Variants in SYNE2 observed in about 807,000 individuals in gnomAD.
SYNE2 encodes the protein nesprin-2.
A neutral mutation model predicts 856.3 loss-of-function variants in SYNE2; 431 were observed. The observed-to-expected ratio is 0.50, with a 90% CI of 0.47 to 0.55. The LOEUF is 0.55. Among genes scored for constraint, SYNE2 ranks in the 20% least tolerant of loss-of-function variants. The pLI, the probability that SYNE2 is intolerant of heterozygous loss-of-function variation, is 0.00. For missense variants in SYNE2, 8,129 were observed against 8,023.2 expected (o/e 1.01, Z -0.50); for synonymous variants, 2,923 against 2,872.3 (o/e 1.02, Z -0.56).
intron 1 of SYNE2, among the ~76,000 whole-genome samples, chr14:63,839,649 C>T (rs1399344891): frequency 6.6e-6 from 1 of 152,016 alleles, no homozygotes; most frequent in Non-Finnish European, 1.5e-5. Flanking sequence ...GAGCCAAGAT[C>T]ACACAATTGC....
At chr14:64,156,543 C>T (rs536911935) in intron 85 of SYNE2, among the ~76,000 whole-genome samples, 1 of 151,062 alleles carries the variant, frequency 6.6e-6, no homozygotes, top group African/African-American at 2.4e-5. Flanking sequence ...ACTGCAACTT[C>T]CACCTTCCAG....
chr14:64,046,260 A>G (rs2033135147), intron 45 of SYNE2, among the ~76,000 whole-genome samples: 2 of 152,244 alleles, frequency 1.3e-5, no homozygotes, highest in Non-Finnish European at 2.9e-5. Context: ...AAGCTTTCAG[A>G]AAAGGTCAAA....
chr14:63,872,158 C>T (rs926901397), intron 1 of SYNE2, among the ~76,000 whole-genome samples: 2 of 152,076 alleles, frequency 1.3e-5, no homozygotes, highest in Admixed American at 6.5e-5. Context: ...CAGCTTGGTG[C>T]GGTGGCTCAT....
At position 64,100,545 on chromosome 14, in the gene SYNE2, T is replaced by TAG. The variant is rs1567299001; in HGVS notation, c.12382-1386_12382-1385insGA. 2.0e-4 allele frequency among the ~76,000 whole-genome samples: 17 copies of TAG among 85,706 alleles called. No homozygotes were observed. The East Asian group carries it at 2.1e-3, about 11-fold the overall frequency. 56.2% of individuals were successfully genotyped at this position (85,706 alleles called of 152,430 possible). On this transcript the variant is annotated intron_variant, in intron 63 of 115. Transcript: ENST00000555002. ...AAAAAAAAAAAAATATATATATATA[T>TAG]ATATATATATATATATATATATATA...
chr14:64,218,316 C>A, intron 108 of SYNE2, 82 bp from the exon 109 acceptor site: 1 of 1,270,088 alleles, frequency 7.9e-7, no homozygotes, highest in Non-Finnish European at 1.1e-6. Flanking sequence ...CATTTCTTCA[C>A]TGTTAATATG....
At position 64,048,047 on chromosome 14, in the gene SYNE2, T is replaced by C; in HGVS notation, c.7269T>C (p.Ala2423=). ...MAMSKQLSLN[A]QESMKNTEDE... ...TGTCAAAACAACTTTCTCTTAATGC[T>C]CAAGAAAGCATGAAAAACACTGAAG... The change falls in exon 46 of 116, where the codon GCT becomes GCC. Residue 2423 remains alanine, a synonymous_variant. Transcript: ENST00000555002. 6.2e-7 allele frequency: 1 copy of C among 1,613,796 alleles called. No homozygotes were observed. The highest frequency in any genetic ancestry group is 8.5e-7 in the Non-Finnish European group (1 of 1,179,848).
At chr14:63,929,624 A>T (rs1264050339) in intron 2 of SYNE2, among the ~76,000 whole-genome samples, 1 of 152,080 alleles carries the variant, frequency 6.6e-6, no homozygotes, top group Non-Finnish European at 1.5e-5. Flanking sequence ...TCCAAAAATT[A>T]GCTGGGCGTG....
rs2098655246 is a variant in SYNE2 at position 64,214,174 on chromosome 14, A to C, written c.19057-20A>C. On this transcript the variant is annotated intron_variant, in intron 105 of 115. Coordinates refer to ENST00000555002, the MANE Select transcript of SYNE2 (RefSeq NM_182914.3). ...AGCCTATGAGTTGATTAATTCTAAC[A>C]ACTGGATACTGTGGTTTAGGGCTTG... is the stretch of plus-strand genomic sequence containing the variant. 1 of 1,614,090 alleles carries C rather than the reference A, an allele frequency of 6.2e-7. No individual in the cohort carries two copies. The highest frequency in any genetic ancestry group is 1.3e-5 in the African/African-American group (1 of 74,930).
At chr14:63,973,474 A>G (rs1474698133) in intron 11 of SYNE2, among the ~76,000 whole-genome samples, 1 of 151,774 alleles carries the variant, frequency 6.6e-6, no homozygotes, top group Non-Finnish European at 1.5e-5. Flanking sequence ...TCTACTAAAA[A>G]CACAAAAATT....
At chr14:63,918,345 A>G (rs1323108786) in intron 2 of SYNE2, among the ~76,000 whole-genome samples, 2 of 152,242 alleles carry the variant, frequency 1.3e-5, no homozygotes, top group East Asian at 3.8e-4. Flanking sequence ...TGGTGATTAT[A>G]GTTTCCTGGA....
chr14:64,213,475 G>A (rs1212459590), intron 105 of SYNE2, among the ~76,000 whole-genome samples: 1 of 152,132 alleles, frequency 6.6e-6, no homozygotes, highest in African/African-American at 2.4e-5. Context: ...TGTTTCCCCA[G>A]ACGAAAGGCC....
At chr14:63,951,808 C>T (rs902337290) in intron 7 of SYNE2, among the ~76,000 whole-genome samples, 2 of 152,196 alleles carry the variant, frequency 1.3e-5, no homozygotes, top group Non-Finnish European at 2.9e-5. Context: ...AGATTTATTT[C>T]ATTTATGCAT....
chr14:63,859,338 C>T (rs890748546), intron 1 of SYNE2, among the ~76,000 whole-genome samples: 1 of 152,076 alleles, frequency 6.6e-6, no homozygotes, highest in African/African-American at 2.4e-5. Context: ...TCACTCAGAT[C>T]TTTATTTTTC....
intron 9 of SYNE2, among the ~76,000 whole-genome samples, chr14:63,963,046 A>G (rs1413151800): frequency 1.3e-5 from 2 of 152,208 alleles, no homozygotes; most frequent in African/African-American, 4.8e-5. Context: ...ACATGTTTGC[A>G]TGCATTTTCA....
At chr14:63,919,227 A>G (rs1278042926) in intron 2 of SYNE2, among the ~76,000 whole-genome samples, 1 of 152,206 alleles carries the variant, frequency 6.6e-6, no homozygotes, top group Non-Finnish European at 1.5e-5. Flanking sequence ...TTTAAGCCAG[A>G]CTAGATTATA....
chr14:63,960,928 G>A lies in SYNE2; in HGVS notation c.788-597G>A, dbSNP rs1401675703. On this transcript the variant is annotated intron_variant, in intron 8 of 115. Coordinates refer to ENST00000555002, the MANE Select transcript of SYNE2 (RefSeq NM_182914.3). ...AAGATTTTGTAGTCTTTAAAATTTT[G>A]TTTAATTCAGCATTTTACAAACTTA... is the stretch of plus-strand genomic sequence containing the variant. 4 of 549,628 alleles carry A rather than the reference G, an allele frequency of 7.3e-6. No homozygotes were observed. The East Asian group carries it at 1.1e-4, about 16-fold the overall frequency. The allele number at this position is 549,628 out of a possible 1,614,324, so 34.0% of individuals were successfully genotyped here. A position where few individuals can be genotyped will look rare whatever the true frequency, so the allele number is the denominator to read the frequency against.
chr14:64,006,907 T>G, intron 30 of SYNE2, 136 bp from the exon 31 acceptor site: 1 of 713,366 alleles, frequency 1.4e-6, no homozygotes. Context: ...CTGAACTCTG[T>G]AACAGGAATG....
chr14:63,986,459 G>A lies in SYNE2; in HGVS notation c.2155G>A (p.Gly719Arg). 2 of 1,613,938 alleles carry A rather than the reference G, an allele frequency of 1.2e-6. No homozygotes were observed. Among genetic ancestry groups the A allele is most frequent in the Admixed American group, 1.7e-5 (1 of 60,010 alleles). Residue 719 changes from glycine (G) to arginine (R), a missense_variant, in exon 19 of 116, where the codon GGA (glycine) becomes AGA (arginine). Gly to Arg is a moderately radical substitution (Grantham distance 125). Coordinates refer to ENST00000555002, the MANE Select transcript of SYNE2 (RefSeq NM_182914.3). Reference sequence around the variant, plus strand: ...GTGGTACTTTTGAATGTTGTAGGCTGGAGAGAAACATGAAAAAGAAAATGA... The same window carrying A: ...GTGGTACTTTTGAATGTTGTAGGCTAGAGAGAAACATGAAAAAGAAAATGA... The part of the protein sequence containing the change: ...PENYNQNIKA[G>R]EKHEKENEEF...
intron 64 of SYNE2, among the ~76,000 whole-genome samples, chr14:64,105,915 C>T (rs951898207): frequency 5.3e-5 from 8 of 151,646 alleles, no homozygotes; most frequent in Admixed American, 3.3e-4. Context: ...CAAAATTAGC[C>T]GGTCGTGGTG....
Sources: allele counts gnomAD v4.1 joint callset (sites outside exome capture counted in the v4.1 genomes callset), GRCh38; gene constraint gnomAD v4.1.1; transcripts MANE v1.5; gene names NCBI Gene and HGNC (gene_info 2026-07-23, HGNC 2026-07-21).